Variants in IKZF1 observed in about 807,000 individuals in gnomAD.
The protein encoded by IKZF1 is DNA-binding protein Ikaros.
A neutral mutation model predicts 51.7 loss-of-function variants in IKZF1; 10 were observed. The observed-to-expected ratio is 0.19, with a 90% CI of 0.12 to 0.33. The LOEUF (loss-of-function observed/expected upper bound fraction) is 0.33. IKZF1 is among the 10% of genes least tolerant of loss of function. IKZF1 has a pLI of 1.00. For synonymous variants in IKZF1, 280 were observed against 282.3 expected (o/e 0.99, Z 0.08); for missense variants, 484 against 707.5 (o/e 0.68, Z 3.58).
intron 5 of IKZF1, among the ~76,000 whole-genome samples, chr7:50,385,764 T>C (rs1813207403): frequency 6.6e-6 from 1 of 152,272 alleles, no homozygotes; most frequent in South Asian, 2.1e-4. Flanking sequence ...TGGTTATCTA[T>C]ATCCTATTAA....
intron 3 of IKZF1, among the ~76,000 whole-genome samples, chr7:50,335,057 G>A (rs1365896880): frequency 6.6e-6 from 1 of 150,380 alleles, no homozygotes; most frequent in Non-Finnish European, 1.5e-5. Context: ...TGTGTGTGGT[G>A]TGCATGTGTG....
At chr7:50,318,582 C>A (rs764559341) in intron 1 of IKZF1, 3 of 219,716 alleles carry the variant, frequency 1.4e-5, no homozygotes, top group African/African-American at 2.2e-5. Context: ...ATGAGACATT[C>A]TTCAGCAAAT....
At chr7:50,348,602 C>A (rs1800991616) in intron 3 of IKZF1, among the ~76,000 whole-genome samples, 1 of 152,220 alleles carries the variant, frequency 6.6e-6, no homozygotes, top group Non-Finnish European at 1.5e-5. Context: ...AACAATGAGA[C>A]AGGCCACCAT....
intron 2 of IKZF1, among the ~76,000 whole-genome samples, chr7:50,326,160 T>A (rs1349102947): frequency 3.3e-5 from 5 of 152,252 alleles, no homozygotes; most frequent in Non-Finnish European, 5.9e-5. Context: ...TTGCCAGTCG[T>A]CTGAAATGCT....
upstream of IKZF1, chr7:50,304,325 T>A (rs1788250566): frequency 6.7e-6 from 1 of 148,836 alleles, no homozygotes; most frequent in Non-Finnish European, 1.5e-5. Context: ...CCCCGCTCCC[T>A]GTACCGGAGC....
At chr7:50,349,934 A>G (rs62447197) in intron 3 of IKZF1, among the ~76,000 whole-genome samples, 16,358 of 152,242 alleles carry the variant, frequency 0.11, 922 homozygotes, top group African/African-American at 0.14. Context: ...ACAGTGTCTT[A>G]CTCACTTTAT....
intron 3 of IKZF1, among the ~76,000 whole-genome samples, chr7:50,339,739 T>C (rs1267490881): frequency 6.7e-6 from 1 of 150,110 alleles, no homozygotes; most frequent in African/African-American, 2.4e-5. Flanking sequence ...GGGTGATAAC[T>C]CCTTCTCAAA....
At chr7:50,388,898 T>A (rs1814188221) in intron 6 of IKZF1, among the ~76,000 whole-genome samples, 1 of 152,250 alleles carries the variant, frequency 6.6e-6, no homozygotes, top group African/African-American at 2.4e-5. Flanking sequence ...TTTTATTTAC[T>A]CAACAAATAT....
chr7:50,336,706 C>A (rs1797875860), intron 3 of IKZF1, among the ~76,000 whole-genome samples: 1 of 152,198 alleles, frequency 6.6e-6, no homozygotes, highest in East Asian at 1.9e-4. Context: ...TTGTCCACTT[C>A]GGTGACTGGG....
At chr7:50,341,651 C>T (rs1232728947) in intron 3 of IKZF1, among the ~76,000 whole-genome samples, 2 of 152,106 alleles carry the variant, frequency 1.3e-5, no homozygotes, top group African/African-American at 4.8e-5. Flanking sequence ...ATTTGACCTG[C>T]ATATTTGCTG....
chr7:50,308,600 G>A (rs551772959), intron 1 of IKZF1: 10 of 152,296 alleles, frequency 6.6e-5, no homozygotes, highest in Admixed American at 1.3e-4. Context: ...TTCTGAACTC[G>A]TTTTGGTTAG....
intron 3 of IKZF1, chr7:50,369,308 C>A (rs1807945534): frequency 2.6e-6 from 1 of 388,678 alleles, no homozygotes; most frequent in Admixed American, 4.5e-5. Context: ...TCTGTGAAGT[C>A]TGAGGAAGGT....
chr7:50,392,810 A>T (rs906003440), intron 7 of IKZF1, among the ~76,000 whole-genome samples: 9 of 152,184 alleles, frequency 5.9e-5, no homozygotes, highest in Non-Finnish European at 1.2e-4. Context: ...GAATGGGGGA[A>T]TCTAGGCAGA....
intron 1 of IKZF1, among the ~76,000 whole-genome samples, chr7:50,307,028 G>A (rs1788983059): frequency 6.6e-6 from 1 of 152,228 alleles, no homozygotes. Context: ...ACAGCGTGGA[G>A]TGAGAGGCAT....
chr7:50,357,515 T>C (rs1277065398), intron 3 of IKZF1, among the ~76,000 whole-genome samples: 7 of 152,184 alleles, frequency 4.6e-5, no homozygotes, highest in African/African-American at 1.7e-4. Flanking sequence ...CCTAAGAACA[T>C]GTGCTGCTTC....
intron 4 of IKZF1, chr7:50,377,115 G>A (rs942842998): frequency 4.9e-5 from 14 of 288,400 alleles, no homozygotes; most frequent in African/African-American, 1.5e-4. Flanking sequence ...CTCAGGGTAC[G>A]TGTGCTGAGT....
intron 3 of IKZF1, among the ~76,000 whole-genome samples, chr7:50,340,561 A>G (rs1798844551): frequency 6.6e-6 from 1 of 152,252 alleles, no homozygotes; most frequent in Non-Finnish European, 1.5e-5. Context: ...TGCTGAAATG[A>G]GAAAAGTGCT....
chr7:50,400,660 C>A lies in IKZF1; in HGVS notation c.*33C>A. Reference sequence around the variant, plus strand: ...CCGCGCCCCCACCCCAGACCCCGAGCCACCCCAGGAAAAGCACAAGGACTG... The same window carrying A: ...CCGCGCCCCCACCCCAGACCCCGAGACACCCCAGGAAAAGCACAAGGACTG... On this transcript the variant is annotated 3_prime_UTR_variant, in exon 8 of 8. Transcript: ENST00000331340. This position sits in a 1 kb window ranked among gnomAD's most constrained non-coding sequence, Gnocchi z 5.4. 1 of 1,573,994 alleles carries A rather than the reference C, an allele frequency of 6.4e-7. No homozygotes were observed. The highest frequency in any genetic ancestry group is 8.6e-7 in the Non-Finnish European group (1 of 1,166,472).
chr7:50,373,466 G>A lies in IKZF1; in HGVS notation c.161-3067G>A, dbSNP rs140335478. On this transcript the variant is annotated intron_variant, in intron 3 of 7. Transcript: ENST00000331340. ...CTCTGAATTTATGAAGTCAAGCCGC[G>A]TAGGGGAACATGCCAAGAGGATTAT... 2.0e-3 allele frequency among the ~76,000 whole-genome samples: 303 copies of A among 152,294 alleles called. 2 individuals carry two copies. The highest frequency in any genetic ancestry group is 6.8e-3 in the African/African-American group (284 of 41,554).
Sources: allele counts gnomAD v4.1 joint callset (sites outside exome capture counted in the v4.1 genomes callset), GRCh38; gene constraint gnomAD v4.1.1; non-coding constraint Gnocchi (gnomAD v3.1); transcripts MANE v1.5; gene names NCBI Gene and HGNC (gene_info 2026-07-23, HGNC 2026-07-21).